DGKI: variants seen among roughly 807,000 people sequenced by gnomAD.
DGKI encodes the protein diacylglycerol kinase iota, also known as DAG kinase iota.
Under a neutral mutation model 147.5 loss-of-function variants are expected in DGKI, and 55 were observed. That is an observed-to-expected ratio of 0.37 (90% CI 0.30 to 0.47). The LOEUF (loss-of-function observed/expected upper bound fraction) is 0.47, where lower values mean the gene tolerates loss of function less well. Among genes scored for constraint, DGKI ranks in the 20% least tolerant of loss-of-function variants. The pLI is 1.00. For missense variants in DGKI, 1,007 were observed against 1,323.8 expected (o/e 0.76, Z 3.71); for synonymous variants, 469 against 477.1 (o/e 0.98, Z 0.22).
At chr7:137,785,619 T>A (rs1210908794) in intron 1 of DGKI, among the ~76,000 whole-genome samples, 1 of 152,050 alleles carries the variant, frequency 6.6e-6, no homozygotes, top group African/African-American at 2.4e-5. Flanking sequence ...CCCTAAATCA[T>A]TTTATGAAGC....
chr7:137,450,066 G>T lies in DGKI; in HGVS notation c.2736-5964C>A, dbSNP rs949158545. On this transcript the variant is annotated intron_variant, in intron 27 of 32. Coordinates refer to ENST00000614521, the MANE Select transcript of DGKI (RefSeq NM_001321708.2). The stretch of plus-strand genomic sequence containing the variant: ...AAATACTGCATGTCTCACTCATGTG[G>T]AATCTAAAATGTTGATTTCACAGAA... Among the ~76,000 whole-genome samples, 3 of 151,996 alleles carry T rather than the reference G, an allele frequency of 2.0e-5. No homozygotes were observed. The East Asian group carries it at 5.8e-4, about 29-fold the overall frequency.
rs1814530646 is a variant in DGKI at position 137,463,506 on chromosome 7, G to A, written c.2718C>T (p.Ser906=). ...ACTCTTACTGTAGCACGCGGGAGTG[G>A]CTGAGATCTTTCAGATCTGAGTCCT... ...YYEDSDLKDL[S]HSRVLQSPVS... is the part of the protein sequence containing the mutation. Residue 906 remains serine, a synonymous_variant, in exon 27 of 33, where the codon AGC becomes AGT. Transcript: ENST00000614521. The A allele has an allele frequency of 6.2e-7, 1 of 1,613,980 alleles. No individual in the cohort carries two copies. The highest frequency in any genetic ancestry group is 1.3e-5 in the African/African-American group (1 of 74,920).
At chr7:137,602,997 C>T (rs909807702) in intron 10 of DGKI, among the ~76,000 whole-genome samples, 2 of 151,954 alleles carry the variant, frequency 1.3e-5, no homozygotes, top group African/African-American at 4.8e-5. Flanking sequence ...AATGGGTATT[C>T]CTAAGGAGTA....
At chr7:137,739,216 A>C (rs1795108371) in intron 1 of DGKI, among the ~76,000 whole-genome samples, 1 of 152,112 alleles carries the variant, frequency 6.6e-6, no homozygotes, top group Non-Finnish European at 1.5e-5. Flanking sequence ...AAGTAACCTC[A>C]GCTTGCCAAG....
chr7:137,789,516 T>G (rs1025059210), intron 1 of DGKI, among the ~76,000 whole-genome samples: 1 of 152,132 alleles, frequency 6.6e-6, no homozygotes, highest in African/African-American at 2.4e-5. Flanking sequence ...ATCAAACCTT[T>G]CCATATAAAT....
chr7:137,654,751 C>T lies in DGKI; in HGVS notation c.719G>A (p.Gly240Asp), dbSNP rs1563134394. The change falls in exon 5 of 33, where the codon GGC (glycine) becomes GAC (aspartate). Residue 240 changes from glycine (G) to aspartate (D), a missense_variant. This residue lies in a region of DGKI where 259 missense variants were observed against 362.5 expected (regional missense o/e 0.71). Transcript: ENST00000614521. ...FRCKPTFREG[G>D]SRSPRENFVR... ...ACTCACTTCTCTTGGTGACCTTGAG[C>T]CTCCTTCTCGAAATGTTGGTTTACA... 1 of 1,608,884 alleles carries T rather than the reference C, an allele frequency of 6.2e-7. No individual in the cohort carries two copies. The highest frequency in any genetic ancestry group is 1.1e-5 in the South Asian group (1 of 90,734).
At chr7:137,405,301 A>C (rs1484258069) in intron 30 of DGKI, among the ~76,000 whole-genome samples, 1 of 152,030 alleles carries the variant, frequency 6.6e-6, no homozygotes, top group African/African-American at 2.4e-5. Flanking sequence ...GCTGGAGTGC[A>C]GTGGTGCAAT....
At chr7:137,700,592 C>T (rs1246259195) in intron 1 of DGKI, among the ~76,000 whole-genome samples, 1 of 152,114 alleles carries the variant, frequency 6.6e-6, no homozygotes, top group Non-Finnish European at 1.5e-5. Context: ...AAATAAAGTG[C>T]CATGGCAGAG....
chr7:137,447,714 G>A (rs1187352427), intron 27 of DGKI, among the ~76,000 whole-genome samples: 4 of 152,194 alleles, frequency 2.6e-5, no homozygotes, highest in South Asian at 2.1e-4. Context: ...GTGGGGCCCC[G>A]GTGAAGTACT....
At chr7:137,613,806 C>T (rs1820443325) in intron 8 of DGKI, among the ~76,000 whole-genome samples, 1 of 152,030 alleles carries the variant, frequency 6.6e-6, no homozygotes, top group South Asian at 2.1e-4. Flanking sequence ...AGACTTTTCC[C>T]CAAGAATCTT....
intron 21 of DGKI, among the ~76,000 whole-genome samples, chr7:137,505,638 C>T (rs997387227): frequency 4.1e-5 from 6 of 146,820 alleles, no homozygotes; most frequent in Admixed American, 6.9e-5. Flanking sequence ...ACAGTAGGTA[C>T]TAGTATTCCT....
Position 137,638,640 on chromosome 7 carries a change from A to T in DGKI, c.804+6832T>A, listed in dbSNP as rs13307984. On this transcript the variant is annotated intron_variant, in intron 6 of 32. Coordinates refer to ENST00000614521, the MANE Select transcript of DGKI (RefSeq NM_001321708.2). ...CACACACATATATATGTGTGTATAT[A>T]TGTGTATGTATATACACACATATGT... Among the ~76,000 whole-genome samples, 2 of 40,286 alleles carry T rather than the reference A, an allele frequency of 5.0e-5. 1 individual carries two copies. Among genetic ancestry groups the T allele is most frequent in the Non-Finnish European group, 7.9e-5 (2 of 25,364 alleles). 26.4% of individuals were successfully genotyped at this position (40,286 alleles called of 152,430 possible). A position where few individuals can be genotyped will look rare whatever the true frequency, so the allele number is the denominator to read the frequency against.
At chr7:137,662,620 G>A (rs895941134) in intron 3 of DGKI, among the ~76,000 whole-genome samples, 2 of 152,164 alleles carry the variant, frequency 1.3e-5, no homozygotes, top group African/African-American at 4.8e-5. Context: ...AGACCAAGGA[G>A]CAAAGATGCC....
intron 3 of DGKI, among the ~76,000 whole-genome samples, chr7:137,675,451 G>A (rs1414000281): frequency 2.8e-5 from 4 of 140,424 alleles, no homozygotes; most frequent in Admixed American, 6.8e-5. Flanking sequence ...TTGGGAGGCC[G>A]AGGCGGGTGG....
At chr7:137,456,035 C>T (rs369546500) in intron 27 of DGKI, among the ~76,000 whole-genome samples, 17 of 152,232 alleles carry the variant, frequency 1.1e-4, no homozygotes, top group East Asian at 9.7e-4. Flanking sequence ...AGAATGCAGC[C>T]GGGGACCAAC....
intron 19 of DGKI, among the ~76,000 whole-genome samples, chr7:137,559,949 T>C (rs1340376821): frequency 3.3e-5 from 5 of 152,186 alleles, no homozygotes. Context: ...AAAAGAAATA[T>C]ACCCTATCCA....
chr7:137,462,352 T>A (rs1814478207), intron 27 of DGKI, among the ~76,000 whole-genome samples: 1 of 152,170 alleles, frequency 6.6e-6, no homozygotes, highest in Admixed American at 6.5e-5. Context: ...CAAAATGCCA[T>A]CAGAAACTAA....
chr7:137,467,005 CCTT>C, intron 24 of DGKI, 63 bp from the exon 25 acceptor site: 1 of 1,525,104 alleles, frequency 6.6e-7, no homozygotes, highest in Non-Finnish European at 9.1e-7. Flanking sequence ...AAATTTATAA[CCTT>C]CTCTTCGACT....
At chr7:137,746,676 C>T (rs3800652) in intron 1 of DGKI, among the ~76,000 whole-genome samples, 24,536 of 152,000 alleles carry the variant, frequency 0.16, 2,904 homozygotes, top group African/African-American at 0.32. Flanking sequence ...AAGATGGAAC[C>T]GAGCTAAGAA....
Sources: gnomAD v4.1 joint callset for allele counts (sites outside exome capture counted in the v4.1 genomes callset) on GRCh38, gnomAD v4.1.1 for gene constraint, gnomAD v4.1.1 regional missense constraint, MANE v1.5 for transcripts, NCBI Gene and HGNC (gene_info 2026-07-23, HGNC 2026-07-21) for gene names.